The following CDH23 variants were observed in gnomAD, a reference collection of about 807,000 sequenced individuals.
The protein encoded by CDH23 is cadherin-23.
Under a neutral mutation model 317.1 loss-of-function variants are expected in CDH23, and 189 were observed. That is an observed-to-expected ratio of 0.60 (90% CI 0.53 to 0.67). The LOEUF is 0.67. Among genes scored for constraint, CDH23 ranks in the 30% least tolerant of loss-of-function variants. The probability of loss-of-function intolerance (pLI) is 0.00; values close to 1 mark genes in which losing one functional copy is unlikely to be tolerated. For synonymous variants in CDH23, 1,839 were observed against 1,876.8 expected (o/e 0.98, Z 0.52); for missense variants, 4,401 against 4,592.4 (o/e 0.96, Z 1.20).
At chr10:71,806,971 A>G (rs1291377294) in intron 57 of CDH23, among the ~76,000 whole-genome samples, 1 of 152,136 alleles carries the variant, frequency 6.6e-6, no homozygotes, top group Admixed American at 6.5e-5. Flanking sequence ...TGCACATGGG[A>G]TGTGATGTTC....
chr10:71,645,908 G>C lies in CDH23; in HGVS notation c.1218G>C (p.Gln406His). 1 of 1,613,646 alleles carries C rather than the reference G, an allele frequency of 6.2e-7. No individual in the cohort carries two copies. The highest frequency in any genetic ancestry group is 8.5e-7 in the Non-Finnish European group (1 of 1,179,718). Reference protein sequence around the residue: ...HHFIISPTSVQGKADIRIRVA... With the variant: ...HHFIISPTSVHGKADIRIRVA... Reference sequence around the variant, plus strand: ...TCATCATCTCCCCGACCTCCGTCCAGGGGAAGGCGGACATTCGTATTCGGG... The same window carrying C: ...TCATCATCTCCCCGACCTCCGTCCACGGGAAGGCGGACATTCGTATTCGGG... Residue 406 changes from glutamine to histidine, a missense_variant, in exon 13 of 70, where the codon CAG becomes CAC. Physicochemically the swap from Gln to His is conservative, Grantham distance 24. This residue lies in a region of CDH23 where 3,068 missense variants were observed against 3,203.3 expected (regional missense o/e 0.96). Transcript: ENST00000224721.
At chr10:71,511,238 A>C (rs3802718) in intron 6 of CDH23, 26 bp downstream of exon 6, 68 of 1,602,748 alleles carry the variant, frequency 4.2e-5, no homozygotes, top group Non-Finnish European at 5.7e-5. Context: ...GTTACCCTTG[A>C]GGGTATCAGA....
intron 1 of CDH23, among the ~76,000 whole-genome samples, chr10:71,426,113 C>A (rs1849065712): frequency 6.6e-6 from 1 of 152,148 alleles, no homozygotes; most frequent in Non-Finnish European, 1.5e-5. Context: ...AGTGAATTAG[C>A]CGGTGGAAGT....
At chr10:71,774,495 T>C (rs1252670447) in intron 38 of CDH23, among the ~76,000 whole-genome samples, 3 of 152,218 alleles carry the variant, frequency 2.0e-5, no homozygotes, top group East Asian at 1.9e-4. Flanking sequence ...TAACCAGCAG[T>C]TGGTTCTTCT....
intron 3 of CDH23, among the ~76,000 whole-genome samples, chr10:71,480,681 G>A (rs1279074885): frequency 6.6e-6 from 1 of 152,192 alleles, no homozygotes. Context: ...AGCCACTGCT[G>A]GGGCTGGTGA....
At position 71,807,322 on chromosome 10, in the gene CDH23, C is replaced by T. The variant is rs771804448; in HGVS notation, c.8224C>T (p.Pro2742Ser). ...GCTGCTGACAGTGCCTGAGCACTCA[C>T]CACGCGGCACCCTCGTGGGCAACGT... is the stretch of plus-strand genomic sequence containing the variant. ...YQLLTVPEHSPRGTLVGNVTG... is the reference protein window; with the variant it reads ...YQLLTVPEHSSRGTLVGNVTG... The change falls in exon 58 of 70, where the codon CCA becomes TCA. Residue 2742 changes from proline (P) to serine (S), a missense_variant. Physicochemically the swap from Pro to Ser is moderately conservative, Grantham distance 74 (BLOSUM62 -1). Coordinates refer to ENST00000224721, the MANE Select transcript of CDH23 (RefSeq NM_022124.6). The T allele has an allele frequency of 8.7e-6, 14 of 1,613,926 alleles. No homozygotes were observed. The Admixed American group carries it at 2.0e-4, about 23-fold the overall frequency.
At chr10:71,450,924 T>C (rs1850409297) in intron 3 of CDH23, among the ~76,000 whole-genome samples, 2 of 152,158 alleles carry the variant, frequency 1.3e-5, no homozygotes, top group South Asian at 4.1e-4. Flanking sequence ...GCCACCTCTC[T>C]ACTCAACATT....
chr10:71,771,196 G>T (rs1840675949), intron 38 of CDH23, among the ~76,000 whole-genome samples: 1 of 152,154 alleles, frequency 6.6e-6, no homozygotes, highest in Admixed American at 6.5e-5. Context: ...AAGAGGCTCT[G>T]CTACCCTTGA....
At chr10:71,763,524 G>A (rs1243570200) in intron 38 of CDH23, among the ~76,000 whole-genome samples, 2 of 152,206 alleles carry the variant, frequency 1.3e-5, no homozygotes, top group Non-Finnish European at 2.9e-5. Context: ...GGGACCCACT[G>A]GAAGAGCTGA....
chr10:71,751,962 TC>T lies in CDH23; in HGVS notation c.4845+10045del. The T allele has an allele frequency of 1.6e-6, 2 of 1,222,044 alleles. No homozygotes were observed. Among genetic ancestry groups the T allele is most frequent in the Non-Finnish European group, 2.3e-6 (2 of 862,934 alleles). 75.7% of individuals were successfully genotyped at this position (1,222,044 alleles called of 1,614,324 possible). ...CTCTCCTCCCTTTCTCTCACCTACATCCCCATCCCCAAGCCTCAGCAGCATC... is the reference window on the plus strand; with the variant it reads ...CTCTCCTCCCTTTCTCTCACCTACATCCCATCCCCAAGCCTCAGCAGCATC... On this transcript the variant is annotated intron_variant, in intron 38 of 69. Transcript: ENST00000224721. This position sits in a 1 kb window ranked among gnomAD's most constrained non-coding sequence, Gnocchi z 4.9.
intron 14 of CDH23, among the ~76,000 whole-genome samples, chr10:71,673,409 C>G (rs1461001690): frequency 6.6e-6 from 1 of 152,210 alleles, no homozygotes; most frequent in Non-Finnish European, 1.5e-5. Flanking sequence ...CCAACAAGAC[C>G]ATGCATTGAT....
intron 8 of CDH23, among the ~76,000 whole-genome samples, chr10:71,573,630 G>T (rs1292986051): frequency 1.3e-5 from 2 of 152,222 alleles, no homozygotes; most frequent in Non-Finnish European, 2.9e-5. Context: ...GGATCTTGAT[G>T]TCTCTTTGCC....
intron 38 of CDH23, among the ~76,000 whole-genome samples, chr10:71,752,237 C>A (rs1840023381): frequency 6.6e-6 from 1 of 152,210 alleles, no homozygotes; most frequent in Non-Finnish European, 1.5e-5. Flanking sequence ...TCGAACATCC[C>A]CAAAGCCTGT....
chr10:71,708,830 TG>T (rs1250266845), intron 26 of CDH23, among the ~76,000 whole-genome samples: 2 of 152,108 alleles, frequency 1.3e-5, no homozygotes, highest in African/African-American at 4.8e-5. Context: ...CTCTGTGAGG[TG>T]GAGGCTAAAT....
Position 71,545,875 on chromosome 10 carries a change from G to C in CDH23, c.430-20867G>C, listed in dbSNP as rs544462268. 5.3e-5 allele frequency among the ~76,000 whole-genome samples: 8 copies of C among 152,318 alleles called. No individual in the cohort carries two copies. In the South Asian group the frequency reaches 1.2e-3, roughly 24 times the overall value. ...GAGGTGACTCTCCAGGTAGAGGACA[G>C]AGTGATTGCAGAGGCCACCCCCACC... On this transcript the variant is annotated intron_variant, in intron 6 of 69. Transcript: ENST00000224721.
intron 3 of CDH23, among the ~76,000 whole-genome samples, chr10:71,477,612 A>T (rs1851861764): frequency 6.6e-6 from 1 of 152,116 alleles, no homozygotes. Flanking sequence ...CCTCCAGCCC[A>T]TCCTGTATCC....
intron 2 of CDH23, among the ~76,000 whole-genome samples, chr10:71,443,714 C>G (rs74396089): frequency 0.1 from 15,476 of 152,280 alleles, 899 homozygotes; most frequent in Middle Eastern, 0.16. Context: ...CTCCTTCCCC[C>G]GAAGAAATCA....
intron 1 of CDH23, among the ~76,000 whole-genome samples, chr10:71,430,164 G>A (rs993654285): frequency 6.6e-6 from 1 of 152,148 alleles, no homozygotes; most frequent in Admixed American, 6.5e-5. Context: ...GCTGGGGTCT[G>A]TGGGCTGTTC....
chr10:71,747,076 C>A (rs1839869891), intron 38 of CDH23, among the ~76,000 whole-genome samples: 1 of 152,218 alleles, frequency 6.6e-6, no homozygotes, highest in Admixed American at 6.5e-5. Flanking sequence ...TGACCCAGCA[C>A]AAGTACATCC....
Sources: allele counts gnomAD v4.1 joint callset (sites outside exome capture counted in the v4.1 genomes callset), GRCh38; gene constraint gnomAD v4.1.1; regional missense constraint gnomAD v4.1.1; non-coding constraint Gnocchi (gnomAD v3.1); transcripts MANE v1.5; gene names NCBI Gene and HGNC (gene_info 2026-07-23, HGNC 2026-07-21).